The following EPB41 variants were observed in gnomAD, a reference collection of about 807,000 sequenced individuals.
The protein encoded by EPB41 is erythrocyte membrane protein band 4.1.
EPB41 carries 65 observed loss-of-function variants against 108.0 expected under a neutral mutation model. The observed-to-expected ratio is 0.60, with a 90% CI of 0.49 to 0.74. EPB41 has a LOEUF of 0.74. Among genes scored for constraint, EPB41 ranks in the 30% least tolerant of loss-of-function variants. EPB41 has a pLI of 0.00. For synonymous variants in EPB41, 336 were observed against 358.9 expected, an observed-to-expected ratio of 0.94 and a Z score of 0.72; for missense variants, 875 against 1,037.0, an observed-to-expected ratio of 0.84 and a Z score of 2.15.
intron 3 of EPB41, among the ~76,000 whole-genome samples, chr1:28,995,598 T>G (rs1557958278): frequency 6.6e-6 from 1 of 152,122 alleles, no homozygotes; most frequent in Admixed American, 6.6e-5. Context: ...TCAGAATATT[T>G]TGGAGTTTAG....
chr1:28,916,581 G>A (rs879789157), intron 1 of EPB41, among the ~76,000 whole-genome samples: 6 of 152,100 alleles, frequency 3.9e-5, no homozygotes, highest in Middle Eastern at 3.2e-3. Context: ...AGGTTGCAGT[G>A]AGCCGAGATT....
intron 1 of EPB41, among the ~76,000 whole-genome samples, chr1:28,897,063 TG>T (rs1422626499): frequency 1.3e-5 from 2 of 152,154 alleles, no homozygotes; most frequent in Non-Finnish European, 2.9e-5. Context: ...CAGCTATGTC[TG>T]AGCTGGACAC....
intron 16 of EPB41, among the ~76,000 whole-genome samples, chr1:29,079,500 T>G (rs1655532394): frequency 6.6e-6 from 1 of 151,516 alleles, no homozygotes; most frequent in African/African-American, 2.4e-5. Context: ...AACCTCCACT[T>G]CCCAGGTTTA....
At chr1:29,067,583 C>T (rs1379955918) in intron 16 of EPB41, among the ~76,000 whole-genome samples, 1 of 146,046 alleles carries the variant, frequency 6.8e-6, no homozygotes. Context: ...AGGAGAATCG[C>T]TTGAACCCAG....
chr1:29,077,650 G>T (rs1450850060), intron 16 of EPB41, among the ~76,000 whole-genome samples: 2 of 152,108 alleles, frequency 1.3e-5, no homozygotes, highest in Non-Finnish European at 2.9e-5. Context: ...GATATATTTG[G>T]AGTATCAGGA....
At chr1:29,098,662 T>C (rs568096227) in intron 17 of EPB41, among the ~76,000 whole-genome samples, 2 of 152,286 alleles carry the variant, frequency 1.3e-5, no homozygotes, top group East Asian at 3.9e-4. Flanking sequence ...AGTAATTGAA[T>C]ATCTCTGAGC....
At chr1:29,110,987 C>T (rs1445516888) in intron 18 of EPB41, among the ~76,000 whole-genome samples, 1 of 151,822 alleles carries the variant, frequency 6.6e-6, no homozygotes, top group Non-Finnish European at 1.5e-5. Context: ...GCCAACATGG[C>T]GAAACCCCAT....
intron 5 of EPB41, among the ~76,000 whole-genome samples, chr1:29,013,775 C>A (rs1351146066): frequency 6.6e-6 from 1 of 150,802 alleles, no homozygotes; most frequent in Admixed American, 6.6e-5. Flanking sequence ...GTGATCCACC[C>A]TCCTTGGCCT....
rs966140267 is a variant in EPB41, at chr1:28,940,657, GA to G, written c.-8+25898del. On this transcript the variant is annotated intron_variant, in intron 1 of 20. Transcript: ENST00000343067. The stretch of plus-strand genomic sequence containing the variant: ...ACAGAGCGAGACTCTGTGTCAAAAA[GA>G]AAAAAAAATTAATATTTCTTGGAAA... Among the ~76,000 whole-genome samples, 5 of 150,672 alleles carry G rather than the reference GA, an allele frequency of 3.3e-5. No individual in the cohort carries two copies. In the South Asian group the frequency reaches 8.4e-4, roughly 25 times the overall value.
chr1:29,080,335 CA>C (rs1196446745), intron 16 of EPB41, among the ~76,000 whole-genome samples: 1 of 151,760 alleles, frequency 6.6e-6, no homozygotes, highest in East Asian at 1.9e-4. Context: ...CTCTGGACCT[CA>C]AATGATCCGC....
intron 11 of EPB41, among the ~76,000 whole-genome samples, chr1:29,052,762 T>C (rs768509558): frequency 1.3e-5 from 2 of 152,244 alleles, no homozygotes; most frequent in Non-Finnish European, 2.9e-5. Flanking sequence ...AACCCTTTTT[T>C]TCCTGCCATA....
At chr1:28,984,251 C>G (rs2149479166) in intron 1 of EPB41, among the ~76,000 whole-genome samples, 1 of 152,234 alleles carries the variant, frequency 6.6e-6, no homozygotes, top group Non-Finnish European at 1.5e-5. Flanking sequence ...AGTGGGAAAA[C>G]AGGGATATAA....
At chr1:28,990,759 T>C (rs1220660043) in intron 2 of EPB41, among the ~76,000 whole-genome samples, 1 of 152,084 alleles carries the variant, frequency 6.6e-6, no homozygotes, top group Non-Finnish European at 1.5e-5. Context: ...CAGCTTTATA[T>C]AGGGGAAAAT....
intron 1 of EPB41, among the ~76,000 whole-genome samples, chr1:28,969,968 A>G (rs1261549781): frequency 3.9e-5 from 6 of 152,328 alleles, no homozygotes; most frequent in Middle Eastern, 6.8e-3. Context: ...AGTTTCTGAT[A>G]TGTTCACATC....
rs762774480 is a variant in EPB41 at position 29,015,718 on chromosome 1, G to A, written c.856G>A (p.Val286Ile). 1 of 1,609,618 alleles carries A rather than the reference G, an allele frequency of 6.2e-7. No homozygotes were observed. The highest frequency in any genetic ancestry group is 8.5e-7 in the Non-Finnish European group (1 of 1,176,362). Residue 286 changes from valine to isoleucine, a missense_variant, in exon 6 of 21, where the codon GTA becomes ATA. By Grantham distance (29) the Val-to-Ile change is conservative. Around this residue, in one of 3 missense-constraint regions of EPB41, gnomAD observed 353 missense variants for 393.2 expected, o/e 0.90. Transcript: ENST00000343067. ...RGVPWNFTFN[V>I]KFYPPDPAQL... ...TGTCCCTTGGAATTTTACATTTAAT[G>A]TAAAGTTTTATCCACCTGACCCAGC... is the stretch of plus-strand genomic sequence containing the variant.
At chr1:28,962,601 C>T (rs1435494994) in intron 1 of EPB41, among the ~76,000 whole-genome samples, 1 of 152,158 alleles carries the variant, frequency 6.6e-6, no homozygotes, top group Admixed American at 6.5e-5. Context: ...GCCCCTGCAA[C>T]TCTAATCTAC....
intron 4 of EPB41, among the ~76,000 whole-genome samples, chr1:28,998,774 C>T (rs1193199659): frequency 6.6e-6 from 1 of 152,128 alleles, no homozygotes; most frequent in Non-Finnish European, 1.5e-5. Flanking sequence ...GAGTACTGTA[C>T]ATTTCAATAT....
At chr1:29,088,510 A>G (rs751287328) in intron 16 of EPB41, among the ~76,000 whole-genome samples, 1 of 152,134 alleles carries the variant, frequency 6.6e-6, no homozygotes, top group Non-Finnish European at 1.5e-5. Context: ...TAAAGTTTTC[A>G]GGCTAATTTG....
At chr1:28,958,576 C>T (rs2095056253) in intron 1 of EPB41, among the ~76,000 whole-genome samples, 1 of 151,798 alleles carries the variant, frequency 6.6e-6, no homozygotes, top group African/African-American at 2.4e-5. Context: ...CTTTGGGAGG[C>T]CGAGGCGGGT....
Sources: allele counts gnomAD v4.1 joint callset (sites outside exome capture counted in the v4.1 genomes callset), GRCh38; gene constraint gnomAD v4.1.1; regional missense constraint gnomAD v4.1.1; transcripts MANE v1.5; gene names NCBI Gene and HGNC (gene_info 2026-07-23, HGNC 2026-07-21).